Variants in PDE1A observed in about 807,000 individuals in gnomAD.
PDE1A encodes the protein dual specificity calcium/calmodulin-dependent 3',5'-cyclic nucleotide phosphodiesterase 1A.
Under a neutral mutation model 61.7 loss-of-function variants are expected in PDE1A, and 35 were observed. That is an observed-to-expected ratio of 0.57 (90% CI 0.43 to 0.75). The LOEUF is 0.75. Among genes scored for constraint, PDE1A ranks in the 30% least tolerant of loss-of-function variants. The pLI, the probability that PDE1A is intolerant of heterozygous loss-of-function variation, is 0.00. For synonymous variants in PDE1A, 232 were observed against 213.2 expected (o/e 1.09, Z -0.77); for missense variants, 597 against 630.6 (o/e 0.95, Z 0.57).
chr2:182,299,821 C>T (rs1695124133), intron 1 of PDE1A, among the ~76,000 whole-genome samples: 3 of 152,124 alleles, frequency 2.0e-5, no homozygotes, highest in Admixed American at 2.0e-4. Context: ...TGCTAACTTT[C>T]TTGCTGTCTA....
At chr2:182,456,294 G>A (rs549686192) in intron 2 of PDE1A, among the ~76,000 whole-genome samples, 57 of 152,118 alleles carry the variant, frequency 3.7e-4, no homozygotes, top group Admixed American at 3.2e-3. Flanking sequence ...GGTGGTGCTA[G>A]GGGCAGCAAT....
At chr2:182,583,205 G>A in the PDE1A span, among the ~76,000 whole-genome samples, 2 of 152,014 alleles carry the variant, frequency 1.3e-5, no homozygotes, top group Admixed American at 1.3e-4. Context: ...TTCAATAGCT[G>A]ACACTATATG....
chr2:182,648,140 G>C, the PDE1A span, among the ~76,000 whole-genome samples: 2 of 152,126 alleles, frequency 1.3e-5, no homozygotes, highest in African/African-American at 4.8e-5. Flanking sequence ...TGGTAACCTG[G>C]CAATCTGTGC....
rs187016245 is a variant in PDE1A, at chr2:182,365,891, A to C, written c.53+60687T>G. 3.2e-4 allele frequency among the ~76,000 whole-genome samples: 48 copies of C among 152,174 alleles called. No individual in the cohort carries two copies. In the East Asian group the frequency reaches 7.5e-3, roughly 24 times the overall value. On this transcript the variant is annotated intron_variant, in intron 1 of 13. Transcript: ENST00000351439. Reference sequence around the variant, plus strand: ...CTTATTAAAGGGCTTTGTACCCCACAAACATTCAATAAATCAATGGTTCTC... The same window carrying C: ...CTTATTAAAGGGCTTTGTACCCCACCAACATTCAATAAATCAATGGTTCTC...
At chr2:182,326,128 A>T (rs1419842939) in intron 1 of PDE1A, among the ~76,000 whole-genome samples, 1 of 147,568 alleles carries the variant, frequency 6.8e-6, no homozygotes, top group East Asian at 2.1e-4. Context: ...TATATTTTTT[A>T]AAAAGAACAG....
chr2:182,258,059 G>A (rs554517394), intron 2 of PDE1A, among the ~76,000 whole-genome samples: 11 of 151,762 alleles, frequency 7.2e-5, no homozygotes, highest in Non-Finnish European at 1.0e-4. Flanking sequence ...TCCCAGCTAC[G>A]CGGGAGGCTG....
intron 2 of PDE1A, among the ~76,000 whole-genome samples, chr2:182,504,323 G>GTAA (rs1185330838): frequency 6.6e-6 from 1 of 152,060 alleles, no homozygotes; most frequent in East Asian, 1.9e-4. Context: ...TGTTTCCCAG[G>GTAA]TAATACTGGT....
At chr2:182,295,958 A>T (rs1694857442) in intron 1 of PDE1A, among the ~76,000 whole-genome samples, 1 of 152,172 alleles carries the variant, frequency 6.6e-6, no homozygotes, top group Non-Finnish European at 1.5e-5. Context: ...AGATACTAGA[A>T]ATTTACTCGT....
chr2:182,199,142 G>A (rs1686392540), intron 10 of PDE1A, among the ~76,000 whole-genome samples: 2 of 151,830 alleles, frequency 1.3e-5, no homozygotes, highest in Non-Finnish European at 2.9e-5. Context: ...CATAAATTGT[G>A]CATAATATTC....
At chr2:182,555,965 CAAAAAAA>C in the PDE1A span, among the ~76,000 whole-genome samples, 18 of 48,440 alleles carry the variant, frequency 3.7e-4, no homozygotes, top group East Asian at 6.8e-4. Context: ...AACTCCATCT[CAAAAAAA>C]AAAAAAAAAA....
intron 2 of PDE1A, among the ~76,000 whole-genome samples, chr2:182,511,957 G>T (rs976500840): frequency 6.6e-6 from 1 of 152,082 alleles, no homozygotes; most frequent in African/African-American, 2.4e-5. Flanking sequence ...TCCTGCAGCT[G>T]CCCAACATAC....
chr2:182,209,192 G>A (rs1384228023), intron 7 of PDE1A, among the ~76,000 whole-genome samples: 1 of 152,114 alleles, frequency 6.6e-6, no homozygotes. Flanking sequence ...TGGCTGGGGA[G>A]AGGCCTCACA....
intron 10 of PDE1A, among the ~76,000 whole-genome samples, chr2:182,195,052 A>G (rs1431783627): frequency 6.6e-6 from 1 of 152,088 alleles, no homozygotes; most frequent in Admixed American, 6.6e-5. Flanking sequence ...CAAGTCTAGC[A>G]TTACATTCTG....
the PDE1A span, among the ~76,000 whole-genome samples, chr2:182,619,449 G>A: frequency 6.6e-6 from 1 of 152,164 alleles, no homozygotes; most frequent in East Asian, 1.9e-4. Flanking sequence ...TGACCAGAGA[G>A]GAGAGTAACA....
chr2:182,277,045 C>G (rs1231704753), intron 1 of PDE1A, among the ~76,000 whole-genome samples: 1 of 151,910 alleles, frequency 6.6e-6, no homozygotes, highest in Non-Finnish European at 1.5e-5. Flanking sequence ...GAACATAGAC[C>G]CTCATGAGTA....
At chr2:182,363,589 C>A (rs182419608) in intron 1 of PDE1A, among the ~76,000 whole-genome samples, 1 of 151,948 alleles carries the variant, frequency 6.6e-6, no homozygotes, top group African/African-American at 2.4e-5. Flanking sequence ...GAGTAACACA[C>A]GCCAAAATTC....
At chr2:182,655,654 G>A in the PDE1A span, among the ~76,000 whole-genome samples, 1 of 152,230 alleles carries the variant, frequency 6.6e-6, no homozygotes, top group Non-Finnish European at 1.5e-5. Flanking sequence ...GCATTTGCCT[G>A]TGTTGAGGTC....
In PDE1A at chr2:182,480,745, C is replaced by T. The variant is rs146249607; in HGVS notation, c.101+41531G>A. ...CTGAGGTTCTGAAACCAATCCCCCA[C>T]GATAATGAGGGATGACTGTACTGCC... is the stretch of plus-strand genomic sequence containing the variant. On this transcript the variant is annotated intron_variant, in intron 2 of 14. Transcript: ENST00000410103. Among the ~76,000 whole-genome samples the T allele has an allele frequency of 1.4e-4, 22 of 151,954 alleles. No individual in the cohort carries two copies. In the East Asian group the frequency reaches 1.7e-3, roughly 12 times the overall value.
chr2:182,508,032 T>G (rs1211615386), intron 2 of PDE1A, among the ~76,000 whole-genome samples: 3 of 152,084 alleles, frequency 2.0e-5, no homozygotes, highest in Non-Finnish European at 4.4e-5. Flanking sequence ...CATTCTTATG[T>G]GCTTAAGTTT....
Sources: allele counts gnomAD v4.1 joint callset (sites outside exome capture counted in the v4.1 genomes callset), GRCh38; gene constraint gnomAD v4.1.1; transcripts MANE v1.5; gene names NCBI Gene and HGNC (gene_info 2026-07-23, HGNC 2026-07-21).